PTPRD: variants seen among roughly 807,000 people sequenced by gnomAD.
PTPRD encodes the protein receptor-type tyrosine-protein phosphatase delta.
In PTPRD, 34 loss-of-function variants were observed where a neutral mutation model predicts 214.5. The observed-to-expected ratio is 0.16, with a 90% confidence interval of 0.12 to 0.21. The LOEUF (loss-of-function observed/expected upper bound fraction) is 0.21, where lower values mean the gene tolerates loss of function less well. Among genes scored for constraint, PTPRD ranks in the 10% least tolerant of loss-of-function variants. The pLI, the probability that PTPRD is intolerant of heterozygous loss-of-function variation, is 1.00. For missense variants in PTPRD, 2,545 were observed against 2,398.7 expected, an observed-to-expected ratio of 1.06 and a Z score of -1.27; for synonymous variants, 1,128 against 845.7, an observed-to-expected ratio of 1.33 and a Z score of -5.79.
At chr9:8,986,758 A>T (rs1383000110) in intron 11 of PTPRD, among the ~76,000 whole-genome samples, 2 of 152,096 alleles carry the variant, frequency 1.3e-5, no homozygotes, top group Non-Finnish European at 2.9e-5. Flanking sequence ...ATGTGTAAGC[A>T]TTTTAAATGT....
chr9:10,124,489 C>T (rs2098800467), intron 3 of PTPRD, among the ~76,000 whole-genome samples: 1 of 152,126 alleles, frequency 6.6e-6, no homozygotes, highest in African/African-American at 2.4e-5. Flanking sequence ...AATACAAGTG[C>T]TTATTGTGGA....
At chr9:9,012,326 A>G (rs1004370535) in intron 11 of PTPRD, among the ~76,000 whole-genome samples, 9 of 152,194 alleles carry the variant, frequency 5.9e-5, no homozygotes, top group African/African-American at 1.9e-4. Flanking sequence ...TTAAAGTGAG[A>G]GATAATAAAT....
intron 8 of PTPRD, among the ~76,000 whole-genome samples, chr9:9,443,315 G>A (rs2088998355): frequency 1.3e-5 from 2 of 152,138 alleles, no homozygotes; most frequent in Admixed American, 1.3e-4. Flanking sequence ...CTTCTAGTTA[G>A]CATTGTGACA....
At chr9:10,255,062 C>T (rs2093136726) in intron 3 of PTPRD, among the ~76,000 whole-genome samples, 1 of 152,120 alleles carries the variant, frequency 6.6e-6, no homozygotes, top group Non-Finnish European at 1.5e-5. Flanking sequence ...AGGAAGAGGA[C>T]AATAACAACA....
At chr9:9,820,370 G>A (rs1214393992) in intron 5 of PTPRD, among the ~76,000 whole-genome samples, 3 of 152,054 alleles carry the variant, frequency 2.0e-5, no homozygotes, top group Non-Finnish European at 4.4e-5. Context: ...GTTCCTTGTA[G>A]ATTGTGAATA....
At chr9:9,161,039 G>A (rs557362143) in intron 10 of PTPRD, among the ~76,000 whole-genome samples, 1 of 152,260 alleles carries the variant, frequency 6.6e-6, no homozygotes, top group East Asian at 1.9e-4. Flanking sequence ...GGGATATGGG[G>A]CAGGGGGTGG....
intron 2 of PTPRD, among the ~76,000 whole-genome samples, chr9:10,511,965 T>C (rs1366501946): frequency 1.6e-5 from 1 of 62,894 alleles, no homozygotes; most frequent in Admixed American, 1.7e-4. Flanking sequence ...TATATATATA[T>C]ACGTGTGTGT....
chr9:9,892,847 A>C (rs536711180), intron 5 of PTPRD, among the ~76,000 whole-genome samples: 11 of 152,226 alleles, frequency 7.2e-5, no homozygotes, highest in Middle Eastern at 3.4e-3. Flanking sequence ...AGACTTAAAG[A>C]GGTACTGGTT....
chr9:10,588,817 T>C (rs1204166626), intron 2 of PTPRD, among the ~76,000 whole-genome samples: 1 of 152,044 alleles, frequency 6.6e-6, no homozygotes, highest in Non-Finnish European at 1.5e-5. Flanking sequence ...TCAAATTGTA[T>C]ACCCTACTTC....
At chr9:10,406,302 T>C (rs144812934) in intron 2 of PTPRD, among the ~76,000 whole-genome samples, 190 of 151,710 alleles carry the variant, frequency 1.3e-3, no homozygotes, top group African/African-American at 4.3e-3. Flanking sequence ...TAAGTTACCA[T>C]ATAACCAGAT....
Position 9,325,031 on chromosome 9 carries a change from G to C in PTPRD, c.-203+72418C>G, listed in dbSNP as rs975860174. Among the ~76,000 whole-genome samples, 5 of 152,124 alleles carry C rather than the reference G, an allele frequency of 3.3e-5. No individual in the cohort carries two copies. The East Asian group carries it at 9.6e-4, about 29-fold the overall frequency. On this transcript the variant is annotated intron_variant, in intron 9 of 45. Transcript: ENST00000381196. ...GTGTGGTATTACTTCTGAGCCCTCTGTTCTGTTCCATTGATCTATATCTCT... is the reference window on the plus strand; with the variant it reads ...GTGTGGTATTACTTCTGAGCCCTCTCTTCTGTTCCATTGATCTATATCTCT...
At chr9:9,931,403 G>A (rs969701425) in intron 5 of PTPRD, among the ~76,000 whole-genome samples, 1 of 152,208 alleles carries the variant, frequency 6.6e-6, no homozygotes, top group Non-Finnish European at 1.5e-5. Context: ...GCGAGGCATT[G>A]CCTCACTCCA....
intron 7 of PTPRD, among the ~76,000 whole-genome samples, chr9:9,582,579 G>A (rs2091072203): frequency 6.6e-6 from 1 of 152,028 alleles, no homozygotes; most frequent in Non-Finnish European, 1.5e-5. Context: ...AACGTGGGAG[G>A]AATGGGGAAT....
rs371128884 is a variant in PTPRD, at chr9:10,311,111, T to G, written c.-545+29852A>C. Reference sequence around the variant, plus strand: ...TTTTTTTTACTTTTTATTTTACTTATGCTTTACATGTGGTATGCAATCAGC... The same window carrying G: ...TTTTTTTTACTTTTTATTTTACTTAGGCTTTACATGTGGTATGCAATCAGC... On this transcript the variant is annotated intron_variant, in intron 3 of 45. Transcript: ENST00000381196. 8.3e-4 allele frequency among the ~76,000 whole-genome samples: 126 copies of G among 152,132 alleles called. 3 individuals carry two copies. The South Asian group carries it at 0.022, about 26-fold the overall frequency.
At chr9:9,546,560 C>A (rs2078854402) in intron 8 of PTPRD, among the ~76,000 whole-genome samples, 1 of 151,436 alleles carries the variant, frequency 6.6e-6, no homozygotes, top group African/African-American at 2.4e-5. Context: ...TAGTAGTGAC[C>A]ATATTCCACC....
chr9:10,056,080 G>A (rs71497172), intron 3 of PTPRD, among the ~76,000 whole-genome samples: 10,208 of 151,612 alleles, frequency 0.067, 402 homozygotes, highest in Non-Finnish European at 0.085. Flanking sequence ...TCTAGCACTT[G>A]GGGAGGCCGA....
intron 11 of PTPRD, among the ~76,000 whole-genome samples, chr9:8,768,899 C>G (rs2094969607): frequency 6.6e-6 from 1 of 152,178 alleles, no homozygotes; most frequent in Non-Finnish European, 1.5e-5. Context: ...GACTAGTACA[C>G]TGACTTACTA....
chr9:9,507,140 A>G (rs2096588719), intron 8 of PTPRD, among the ~76,000 whole-genome samples: 1 of 151,446 alleles, frequency 6.6e-6, no homozygotes, highest in Non-Finnish European at 1.5e-5. Context: ...AAGAATTTGA[A>G]TGGCATCAAG....
rs373844485 is a variant in PTPRD at position 8,492,843 on chromosome 9, C to T, written c.2467+19G>A. The stretch of plus-strand genomic sequence containing the variant: ...TTAGTATTACTGTTCAAGGCACATA[C>T]ATGCACAGACATGATTACCTGCCCC... On this transcript the variant is annotated intron_variant, in intron 27 of 45. Coordinates refer to ENST00000381196, the MANE Select transcript of PTPRD (RefSeq NM_002839.4). 1.3e-6 allele frequency: 2 copies of T among 1,579,112 alleles called. No individual in the cohort carries two copies. Among genetic ancestry groups the T allele is most frequent in the African/African-American group, 2.7e-5 (2 of 73,960 alleles).
Sources: gnomAD v4.1 joint callset for allele counts (sites outside exome capture counted in the v4.1 genomes callset) on GRCh38, gnomAD v4.1.1 for gene constraint, MANE v1.5 for transcripts, NCBI Gene and HGNC (gene_info 2026-07-23, HGNC 2026-07-21) for gene names.